Variants in ATRX observed in about 807,000 individuals in gnomAD.
The protein encoded by ATRX is chromatin remodeler ATRX.
In ATRX, 12 loss-of-function variants were observed where a neutral mutation model predicts 172.6. That is an observed-to-expected ratio of 0.07 (90% CI 0.04 to 0.11). ATRX has a LOEUF of 0.11. Ranked by LOEUF, ATRX falls within the 10% of genes least tolerant of loss-of-function variation. ATRX has a pLI of 1.00. For synonymous variants in ATRX, 674 were observed against 594.7 expected (o/e 1.13, Z -1.94); for missense variants, 1,368 against 1,767.4 (o/e 0.77, Z 4.05).
chrX:77,569,957 C>T (rs1557066527), intron 28 of ATRX, among the ~76,000 whole-genome samples: 1 of 111,538 alleles, frequency 9.0e-6, no homozygotes, highest in African/African-American at 3.3e-5. Flanking sequence ...ATAGCTAAAA[C>T]AATCTGTGAA....
intron 19 of ATRX, among the ~76,000 whole-genome samples, chrX:77,624,529 C>T (rs1166326939): frequency 1.3e-4 from 14 of 111,501 alleles, no homozygotes; most frequent in Non-Finnish European, 2.3e-4. Flanking sequence ...GCAAGGTTTC[C>T]GGATACAAGA....
intron 11 of ATRX, 76 bp downstream of exon 11, chrX:77,664,569 G>C (rs1355444232): frequency 1.7e-6 from 2 of 1,165,117 alleles, no homozygotes; most frequent in South Asian, 1.8e-5. Flanking sequence ...ATATTTCTTG[G>C]TCAGATATTC....
chrX:77,609,650 A>AT lies in ATRX; in HGVS notation c.5566+6962dup, dbSNP rs1370257217. ...AGGCACATGCCACCTCGACTTTTGTATTTTTTTTTATAGACAGGGTTTCAC... is the reference window on the plus strand; with the variant it reads ...AGGCACATGCCACCTCGACTTTTGTATTTTTTTTTTATAGACAGGGTTTCAC... On this transcript the variant is annotated intron_variant, in intron 22 of 34. Coordinates refer to ENST00000373344, the MANE Select transcript of ATRX (RefSeq NM_000489.6). Among the ~76,000 whole-genome samples the AT allele has an allele frequency of 2.3e-4, 25 of 109,366 alleles. No homozygotes were observed. In the South Asian group the frequency reaches 2.7e-3, roughly 12 times the overall value. The allele number at this position is 109,366 out of a possible 115,157, so 95.0% of individuals were successfully genotyped here. A position where few individuals can be genotyped will look rare whatever the true frequency, so the allele number is the denominator to read the frequency against.
At chrX:77,762,304 C>CAA (rs782237740) in intron 1 of ATRX, among the ~76,000 whole-genome samples, 153 of 22,944 alleles carry the variant, frequency 6.7e-3, no homozygotes, top group Middle Eastern at 0.023. Context: ...GACTCTGTCT[C>CAA]AAAAAAAAAA....
At chrX:77,562,211 A>G (rs184551980) in intron 28 of ATRX, among the ~76,000 whole-genome samples, 61 of 112,509 alleles carry the variant, frequency 5.4e-4, no homozygotes, top group African/African-American at 1.9e-3. Flanking sequence ...CACATGTTAA[A>G]TAACATTTGG....
In ATRX at chrX:77,697,635, C is replaced by T; in HGVS notation, c.190G>A (p.Gly64Arg). ...SDMMENSKEE[G>R]TSSSEKSKSS... ...TTGGATTTTTCTGAAGAGCTAGTTC[C>T]CTAGATGTGAGACATAAATATAAAA... Residue 64 changes from glycine (G) to arginine (R), a missense_variant and splice_region_variant, in exon 4 of 35, where the codon GGA becomes AGA. Physicochemically the swap from Gly to Arg is moderately radical, Grantham distance 125. This residue lies in a region of ATRX where 84 missense variants were observed against 82.8 expected (regional missense o/e 1.01). Coordinates refer to ENST00000373344, the MANE Select transcript of ATRX (RefSeq NM_000489.6). 8.3e-7 allele frequency: 1 copy of T among 1,206,141 alleles called. No individual in the cohort carries two copies. Among genetic ancestry groups the T allele is most frequent in the Non-Finnish European group, 1.1e-6 (1 of 891,716 alleles).
intron 1 of ATRX, among the ~76,000 whole-genome samples, chrX:77,764,350 G>A (rs2075832514): frequency 9.0e-6 from 1 of 111,545 alleles, no homozygotes; most frequent in Admixed American, 9.6e-5. Context: ...TACACTTAGG[G>A]TATTAAGAGA....
At chrX:77,730,517 C>G (rs150775606) in intron 1 of ATRX, among the ~76,000 whole-genome samples, 128 of 111,787 alleles carry the variant, frequency 1.1e-3, no homozygotes, top group African/African-American at 4.1e-3. Flanking sequence ...AAAAATTCAT[C>G]CAAGGGCTGC....
At position 77,663,456 on chromosome X, in the gene ATRX, T is replaced by A. The variant is rs1557124086; in HGVS notation, c.4046A>T (p.Asp1349Val). ...RLLRHKLTVS[D>V]GESGEEKKTK... Reference sequence around the variant, plus strand: ...CTTTTTTTCTTCTCCAGATTCTCCGTCACTCACAGTCAATTTGTGCCGCAA... The same window carrying A: ...CTTTTTTTCTTCTCCAGATTCTCCGACACTCACAGTCAATTTGTGCCGCAA... Residue 1349 changes from aspartate to valine, a missense_variant, in exon 12 of 35, where the codon GAC (aspartate) becomes GTC (valine). Coordinates refer to ENST00000373344, the MANE Select transcript of ATRX (RefSeq NM_000489.6). The A allele has an allele frequency of 6.6e-6, 8 of 1,211,601 alleles. No individual in the cohort carries two copies. Among genetic ancestry groups the A allele is most frequent in the Non-Finnish European group, 8.9e-6 (8 of 895,148 alleles).
At chrX:77,704,190 C>T (rs1304842551) in intron 2 of ATRX, among the ~76,000 whole-genome samples, 4 of 110,771 alleles carry the variant, frequency 3.6e-5, no homozygotes, top group African/African-American at 6.6e-5. Flanking sequence ...GTCGACCCAT[C>T]GTCTCTGCAG....
chrX:77,764,957 CAT>C (rs2075853898), intron 1 of ATRX, among the ~76,000 whole-genome samples: 2 of 111,804 alleles, frequency 1.8e-5, no homozygotes, highest in South Asian at 7.5e-4. Context: ...AGGTGGATCA[CAT>C]GAGGTCAAGA....
intron 22 of ATRX, among the ~76,000 whole-genome samples, chrX:77,601,830 T>C (rs1316740256): frequency 8.9e-6 from 1 of 112,098 alleles, no homozygotes; most frequent in East Asian, 2.8e-4. Context: ...CTGAGTATTA[T>C]TTTGCCTGAT....
chrX:77,784,413 A>C (rs1557206745), intron 1 of ATRX, among the ~76,000 whole-genome samples: 1 of 112,467 alleles, frequency 8.9e-6, no homozygotes, highest in Admixed American at 9.5e-5. Flanking sequence ...CTATATACGT[A>C]ATTTGTTCAT....
At chrX:77,587,273 C>T (rs1388555689) in intron 27 of ATRX, among the ~76,000 whole-genome samples, 6 of 110,290 alleles carry the variant, frequency 5.4e-5, no homozygotes, top group African/African-American at 1.3e-4. Context: ...AATTATACAC[C>T]ATGACAAGTG....
intron 34 of ATRX, among the ~76,000 whole-genome samples, chrX:77,512,522 C>A (rs2062903139): frequency 8.9e-6 from 1 of 112,336 alleles, no homozygotes; most frequent in African/African-American, 3.2e-5. Context: ...TATTTGCAAG[C>A]CTCATGGTAA....
Position 77,684,214 on chromosome X carries a change from C to A in ATRX, c.1042G>T (p.Val348Leu), listed in dbSNP as rs1557142408. 11 of 1,209,585 alleles carry A rather than the reference C, an allele frequency of 9.1e-6. No homozygotes were observed. The highest frequency in any genetic ancestry group is 1.2e-5 in the Non-Finnish European group (11 of 895,115). ...GCCTTCTTAATCATCTCTTTGGGCACAATTAGTGCGGAATAAGAGTAGGTT... is the reference window on the plus strand; with the variant it reads ...GCCTTCTTAATCATCTCTTTGGGCAAAATTAGTGCGGAATAAGAGTAGGTT... Reference protein sequence around the residue: ...SVTYSYSALIVPKEMIKKAKK... With the variant: ...SVTYSYSALILPKEMIKKAKK... Residue 348 changes from valine to leucine, a missense_variant, in exon 9 of 35, where the codon GTG becomes TTG. Val to Leu is a conservative substitution (Grantham distance 32, BLOSUM62 1). Coordinates refer to ENST00000373344, the MANE Select transcript of ATRX (RefSeq NM_000489.6).
chrX:77,607,501 G>A (rs782634016), intron 22 of ATRX, among the ~76,000 whole-genome samples: 1 of 110,354 alleles, frequency 9.1e-6, no homozygotes, highest in African/African-American at 3.3e-5. Flanking sequence ...ATCACTTGAG[G>A]CCAGGAATTC....
intron 22 of ATRX, among the ~76,000 whole-genome samples, chrX:77,612,208 G>A (rs5912634): frequency 0.52 from 56,621 of 109,906 alleles, 12,883 homozygotes; most frequent in Non-Finnish European, 0.68. Flanking sequence ...TCATAAAACT[G>A]TAGATGCATC....
At chrX:77,642,693 A>G (rs2068715139) in intron 15 of ATRX, among the ~76,000 whole-genome samples, 1 of 111,167 alleles carries the variant, frequency 9.0e-6, no homozygotes, top group Non-Finnish European at 1.9e-5. Context: ...TGTAGATATC[A>G]ACAAAACAAT....
Sources: allele counts gnomAD v4.1 joint callset (sites outside exome capture counted in the v4.1 genomes callset), GRCh38; gene constraint gnomAD v4.1.1; regional missense constraint gnomAD v4.1.1; transcripts MANE v1.5; gene names NCBI Gene and HGNC (gene_info 2026-07-23, HGNC 2026-07-21).